Variants in JADE2 observed in about 807,000 individuals in gnomAD.
The protein encoded by JADE2 is E3 ubiquitin-protein ligase Jade-2.
A neutral mutation model predicts 85.7 loss-of-function variants in JADE2; 13 were observed. The ratio of observed to expected loss-of-function variants is 0.15; its 90% CI spans 0.10 to 0.24. JADE2 has a LOEUF of 0.24. Among genes scored for constraint, JADE2 ranks in the 10% least tolerant of loss-of-function variants. JADE2 has a pLI of 1.00. For synonymous variants in JADE2, 440 were observed against 456.1 expected (o/e 0.96, Z 0.45); for missense variants, 846 against 1,115.9 (o/e 0.76, Z 3.45).
intron 3 of JADE2, among the ~76,000 whole-genome samples, chr5:134,539,358 C>A (rs527691562): frequency 1.3e-5 from 2 of 152,082 alleles, no homozygotes; most frequent in Non-Finnish European, 2.9e-5. Flanking sequence ...CCACCGCGCC[C>A]GGCCTAATTT....
intron 3 of JADE2, among the ~76,000 whole-genome samples, chr5:134,543,039 C>CTT (rs60959964): frequency 7.1e-6 from 1 of 141,216 alleles, no homozygotes. Flanking sequence ...TACCTGTACT[C>CTT]TTTTTTTTTT....
At position 134,560,002 on chromosome 5, in the gene JADE2, C is replaced by G. The variant is rs750057398; in HGVS notation, c.472+12C>G. The G allele has an allele frequency of 2.2e-5, 35 of 1,613,598 alleles. No individual in the cohort carries two copies. Among genetic ancestry groups the G allele is most frequent in the Admixed American group, 3.3e-5 (2 of 59,938 alleles). The stretch of plus-strand genomic sequence containing the variant: ...GCTTAAGGAGATGGGTAGGTGACCA[C>G]TGCATTAAGAATGGGATCACGGCTG... On this transcript the variant is annotated intron_variant, in intron 5 of 11. Coordinates refer to ENST00000681547, the MANE Select transcript of JADE2 (RefSeq NM_001388185.1).
intron 9 of JADE2, among the ~76,000 whole-genome samples, chr5:134,570,528 C>T (rs921254147): frequency 6.6e-6 from 1 of 152,178 alleles, no homozygotes; most frequent in African/African-American, 2.4e-5. Flanking sequence ...CCTGTCATCC[C>T]TCATGGTATT....
chr5:134,524,250 C>G (rs1282664119), upstream of JADE2: 3 of 152,360 alleles, frequency 2.0e-5, no homozygotes, highest in Non-Finnish European at 4.4e-5. Context: ...CTTCTCCTTC[C>G]TCGAGAGAAG....
intron 4 of JADE2, among the ~76,000 whole-genome samples, chr5:134,555,216 C>A (rs1216364954): frequency 6.6e-6 from 1 of 152,156 alleles, no homozygotes; most frequent in Non-Finnish European, 1.5e-5. Context: ...GAACAATGAG[C>A]ACTTGTCTCG....
chr5:134,573,034 T>C (rs555086143), intron 9 of JADE2, among the ~76,000 whole-genome samples: 2 of 152,270 alleles, frequency 1.3e-5, no homozygotes, highest in Admixed American at 1.3e-4. Flanking sequence ...TAGACATGGG[T>C]TGGCTGCAGG....
intron 6 of JADE2, among the ~76,000 whole-genome samples, chr5:134,561,829 G>A (rs2149978084): frequency 6.6e-6 from 1 of 152,248 alleles, no homozygotes; most frequent in East Asian, 1.9e-4. Flanking sequence ...GAGGGCTCTG[G>A]GACTTGTTTC....
intron 3 of JADE2, among the ~76,000 whole-genome samples, chr5:134,540,909 A>C (rs1761925001): frequency 6.6e-6 from 1 of 152,226 alleles, no homozygotes; most frequent in Non-Finnish European, 1.5e-5. Flanking sequence ...GTGTCAGCGG[A>C]GGCTGAGAAG....
chr5:134,573,953 G>A, intron 10 of JADE2, 191 bp downstream of exon 10: 1 of 663,638 alleles, frequency 1.5e-6, no homozygotes, highest in Non-Finnish European at 2.7e-6. Context: ...CCTGAGTTGT[G>A]CGTCACTAGG....
Position 134,578,513 on chromosome 5 carries a change from C to A in JADE2, c.1701C>A (p.Phe567Leu). Residue 567 changes from phenylalanine to leucine, a missense_variant, in exon 12 of 12, where the codon TTC becomes TTA. Around this residue, in one of 9 missense-constraint regions of JADE2, gnomAD observed 119 missense variants for 163.9 expected, o/e 0.73. Transcript: ENST00000681547. The surrounding 1 kb of genome is among the most constrained non-coding windows in gnomAD (Gnocchi z 4.4). ...LGQLAGLSTS[F>L]PIDGTFFNSW... ...CCTCAGCAGGCCTGTCCACCTCATT[C>A]CCCATCGATGGCACCTTCTTCAACA... is the stretch of plus-strand genomic sequence containing the variant. 6.3e-7 allele frequency: 1 copy of A among 1,590,592 alleles called. No individual in the cohort carries two copies. The highest frequency in any genetic ancestry group is 8.6e-7 in the Non-Finnish European group (1 of 1,164,362).
chr5:134,524,766 G>A (rs1293031101), upstream of JADE2, among the ~76,000 whole-genome samples: 1 of 152,164 alleles, frequency 6.6e-6, no homozygotes, highest in East Asian at 1.9e-4. Context: ...CTCTTTTCTT[G>A]AGGTCGCCTA....
At chr5:134,542,398 CT>C (rs1365395385) in intron 3 of JADE2, among the ~76,000 whole-genome samples, 2 of 147,122 alleles carry the variant, frequency 1.4e-5, no homozygotes, top group Non-Finnish European at 3.0e-5. Context: ...GGTATTCTGA[CT>C]TACATGGTCT....
intron 1 of JADE2, among the ~76,000 whole-genome samples, chr5:134,529,566 G>A (rs936710095): frequency 2.6e-5 from 4 of 152,230 alleles, no homozygotes; most frequent in African/African-American, 9.6e-5. Flanking sequence ...TGGATGTATA[G>A]AATAAGTGAT....
rs1424792644 is a variant in JADE2, at chr5:134,562,985, G to C, written c.852+618G>C. 6.6e-6 allele frequency among the ~76,000 whole-genome samples: 1 copy of C among 152,140 alleles called. No homozygotes were observed. Among genetic ancestry groups the C allele is most frequent in the East Asian group, 1.9e-4 (1 of 5,192 alleles). ...ACTAGAGGGGAAAGCAGGTTGTGGGGTCCATCTAAACCTTAGCAGTTGTTC... is the reference window on the plus strand; with the variant it reads ...ACTAGAGGGGAAAGCAGGTTGTGGGCTCCATCTAAACCTTAGCAGTTGTTC... On this transcript the variant is annotated intron_variant, in intron 7 of 11. Transcript: ENST00000681547. The surrounding 1 kb of genome is among the most constrained non-coding windows in gnomAD (Gnocchi z 4.6).
At chr5:134,553,399 G>T (rs1474743227) in intron 4 of JADE2, among the ~76,000 whole-genome samples, 2 of 149,188 alleles carry the variant, frequency 1.3e-5, no homozygotes, top group African/African-American at 5.0e-5. Flanking sequence ...CTTTCGCCAG[G>T]CTGGAGTAGA....
chr5:134,553,328 A>G (rs1762710070), intron 4 of JADE2, among the ~76,000 whole-genome samples: 1 of 149,754 alleles, frequency 6.7e-6, no homozygotes, highest in African/African-American at 2.5e-5. Context: ...TAAGAGAGAG[A>G]TATGGCATGC....
At chr5:134,565,582 C>T (rs1367852610) in intron 8 of JADE2, among the ~76,000 whole-genome samples, 1 of 152,174 alleles carries the variant, frequency 6.6e-6, no homozygotes, top group African/African-American at 2.4e-5. Context: ...CGGTGGCTCA[C>T]GCCTGTAATC....
In JADE2 at chr5:134,578,970, C is replaced by T; in HGVS notation, c.2158C>T (p.Leu720=). The T allele has an allele frequency of 6.2e-7, 1 of 1,613,686 alleles. No individual in the cohort carries two copies. Among genetic ancestry groups the T allele is most frequent in the African/African-American group, 1.3e-5 (1 of 75,068 alleles). Residue 720 remains leucine (L), a synonymous_variant, in exon 12 of 12, where the codon CTG becomes TTG. Coordinates refer to ENST00000681547, the MANE Select transcript of JADE2 (RefSeq NM_001388185.1). This position sits in a 1 kb window ranked among gnomAD's most constrained non-coding sequence, Gnocchi z 4.4. ...ILATPESPPP[L]APETPDEAAS... ...AGCCACCCCTGAAAGCCCCCCGCCA[C>T]TGGCCCCTGAGACCCCGGACGAGGC...
At chr5:134,546,629 G>A (rs922158899) in intron 3 of JADE2, among the ~76,000 whole-genome samples, 1 of 151,932 alleles carries the variant, frequency 6.6e-6, no homozygotes, top group Non-Finnish European at 1.5e-5. Context: ...TTAGCTGGGC[G>A]CGGTGGCCGG....
Sources: allele counts gnomAD v4.1 joint callset (sites outside exome capture counted in the v4.1 genomes callset), GRCh38; gene constraint gnomAD v4.1.1; regional missense constraint gnomAD v4.1.1; non-coding constraint Gnocchi (gnomAD v3.1); transcripts MANE v1.5; gene names NCBI Gene and HGNC (gene_info 2026-07-23, HGNC 2026-07-21).